The following OTUD6B variants were observed in gnomAD, a reference collection of about 807,000 sequenced individuals.
The protein encoded by OTUD6B is deubiquitinase OTUD6B.
In OTUD6B, 41 loss-of-function variants were observed where a neutral mutation model predicts 36.9. That is an observed-to-expected ratio of 1.11 (90% CI 0.87 to 1.44). The LOEUF is 1.44. OTUD6B is among the 40% of genes most tolerant of loss of function. OTUD6B has a pLI of 0.00. For synonymous variants in OTUD6B, 114 were observed against 114.2 expected (o/e 1.00, Z 0.01); for missense variants, 356 against 344.8 (o/e 1.03, Z -0.26).
At chr8:91,070,544 C>G in intron 1 of OTUD6B, 78 bp downstream of exon 1, 1 of 1,377,204 alleles carries the variant, frequency 7.3e-7, no homozygotes, top group South Asian at 1.3e-5. Flanking sequence ...TCTGGGGAAT[C>G]TCAAGGCGTG....
intron 5 of OTUD6B, 36 bp from the exon 6 acceptor site, chr8:91,083,972 T>G (rs1369225351): frequency 6.5e-7 from 1 of 1,541,918 alleles, no homozygotes; most frequent in African/African-American, 1.4e-5. Flanking sequence ...ATTTACATTT[T>G]TATTTTCCTT....
intron 5 of OTUD6B, among the ~76,000 whole-genome samples, chr8:91,082,154 C>T (rs1459160315): frequency 6.6e-6 from 1 of 152,060 alleles, no homozygotes; most frequent in African/African-American, 2.4e-5. Context: ...TTCGCATCCT[C>T]TATTCTATGC....
At position 91,071,777 on chromosome 8, in the gene OTUD6B, A is replaced by G. The variant is rs749424871; in HGVS notation, c.234+488A>G. On this transcript the variant is annotated intron_variant, in intron 2 of 6. Coordinates refer to ENST00000404789, the MANE Select transcript of OTUD6B (RefSeq NM_016023.5). The stretch of plus-strand genomic sequence containing the variant: ...ACAGGGCAGTGTGTTTCTATAAGGG[A>G]GATCGGCAAAGAAAGTGCTATACTT... 1.8e-4 allele frequency among the ~76,000 whole-genome samples: 28 copies of G among 152,198 alleles called. 1 individual carries two copies. The highest frequency in any genetic ancestry group is 4.1e-4 in the Non-Finnish European group (28 of 68,024).
chr8:91,073,966 C>T (rs1812754452), intron 3 of OTUD6B, 55 bp downstream of exon 3: 1 of 1,159,110 alleles, frequency 8.6e-7, no homozygotes, highest in Non-Finnish European at 1.2e-6. Flanking sequence ...TCAATACTAT[C>T]TTAGGTACTA....
intron 6 of OTUD6B, chr8:91,084,567 C>G (rs982803215): frequency 5.6e-6 from 1 of 180,128 alleles, no homozygotes; most frequent in East Asian, 1.9e-4. Context: ...TCAGCCTTTT[C>G]GTTTTACCCC....
At chr8:91,078,296 A>C in intron 3 of OTUD6B, 60 bp from the exon 4 acceptor site, 1 of 1,471,482 alleles carries the variant, frequency 6.8e-7, no homozygotes, top group Admixed American at 2.7e-5. Context: ...CCTTCCCTTA[A>C]TAAATGAGAA....
At chr8:91,071,857 A>G (rs1812706666) in intron 2 of OTUD6B, among the ~76,000 whole-genome samples, 1 of 152,210 alleles carries the variant, frequency 6.6e-6, no homozygotes, top group Admixed American at 6.5e-5. Flanking sequence ...AAGTTGGAAG[A>G]CCAGGCATCT....
At chr8:91,082,943 A>G (rs997752771) in intron 5 of OTUD6B, among the ~76,000 whole-genome samples, 3 of 151,774 alleles carry the variant, frequency 2.0e-5, no homozygotes, top group Non-Finnish European at 2.9e-5. Flanking sequence ...GCCTGGACTC[A>G]AGGTATCTGC....
chr8:91,084,678 C>A, intron 6 of OTUD6B, 106 bp from the exon 7 acceptor site: 1 of 1,157,984 alleles, frequency 8.6e-7, no homozygotes, highest in Non-Finnish European at 1.1e-6. Context: ...CCCATGTGGA[C>A]TGAGTCATTC....
At chr8:91,081,379 C>CAAAG (rs1812904199) in intron 5 of OTUD6B, among the ~76,000 whole-genome samples, 1 of 151,090 alleles carries the variant, frequency 6.6e-6, no homozygotes, top group South Asian at 2.1e-4. Flanking sequence ...TAAAAACAAA[C>CAAAG]AAACAAACAA....
Position 91,087,055 on chromosome 8 carries a change from T to C in OTUD6B, c.*2187T>C, listed in dbSNP as rs930002121. On this transcript the variant is annotated 3_prime_UTR_variant, in exon 7 of 7. Coordinates refer to ENST00000404789, the MANE Select transcript of OTUD6B (RefSeq NM_016023.5). ...TAGTTTTGCTTATATTATGTGATGTTTGCCAAAAAAAGAATAAAAAATGAA... is the reference window on the plus strand; with the variant it reads ...TAGTTTTGCTTATATTATGTGATGTCTGCCAAAAAAAGAATAAAAAATGAA... 6.6e-6 allele frequency: 1 copy of C among 152,056 alleles called. No homozygotes were observed. Among genetic ancestry groups the C allele is most frequent in the African/African-American group, 2.4e-5 (1 of 41,434 alleles). The allele number at this position is 152,056 out of a possible 1,614,324, so 9.4% of individuals were successfully genotyped here.
chr8:91,071,973 C>G (rs1162495792), intron 2 of OTUD6B, among the ~76,000 whole-genome samples: 1 of 152,206 alleles, frequency 6.6e-6, no homozygotes, highest in Non-Finnish European at 1.5e-5. Flanking sequence ...TATTTCTACA[C>G]TCTAAGCACA....
Position 91,078,683 on chromosome 8 carries a change from T to C in OTUD6B, c.628+15T>C. The C allele has an allele frequency of 6.7e-7, 1 of 1,488,212 alleles. No individual in the cohort carries two copies. The highest frequency in any genetic ancestry group is 9.1e-7 in the Non-Finnish European group (1 of 1,101,016). The allele number at this position is 1,488,212 out of a possible 1,614,324, so 92.2% of individuals were successfully genotyped here. ...GTATACTCCAGGTAATTTATTTTTC[T>C]TTACTATGTTTTATTGTTGCTTTGT... On this transcript the variant is annotated intron_variant, in intron 4 of 6. Transcript: ENST00000404789.
intron 3 of OTUD6B, 96 bp from the exon 4 acceptor site, chr8:91,078,260 G>C: frequency 6.9e-7 from 1 of 1,449,462 alleles, no homozygotes; most frequent in Non-Finnish European, 9.0e-7. Context: ...AATAAACACC[G>C]GAAAGTTTTG....
chr8:91,081,306 A>G (rs939066237), intron 5 of OTUD6B, among the ~76,000 whole-genome samples: 9 of 151,752 alleles, frequency 5.9e-5, no homozygotes, highest in Non-Finnish European at 1.3e-4. Context: ...CACTTACAGG[A>G]AGTTATCAAG....
rs1329927946 is a variant in OTUD6B, at chr8:91,084,013, A to G, written c.696A>G (p.Arg232=). The stretch of plus-strand genomic sequence containing the variant: ...TACTTTTTTTCTTCCTATAGCTAAG[A>G]GCTCTGTCTCACATTTTACAAACAC... The part of the protein sequence containing the change: ...TAAWGGQLEL[R]ALSHILQTPI... The change falls in exon 6 of 7, where the codon AGA becomes AGG. Residue 232 remains arginine (R), a synonymous_variant. Transcript: ENST00000404789. 2 of 1,565,162 alleles carry G rather than the reference A, an allele frequency of 1.3e-6. No individual in the cohort carries two copies. The highest frequency in any genetic ancestry group is 1.7e-6 in the Non-Finnish European group (2 of 1,155,260).
In OTUD6B at chr8:91,086,462, A is replaced by G. The variant is rs1437244661; in HGVS notation, c.*1594A>G. ...GAATTTTTTGGTGTCTGAAATTTAC[A>G]AAAGAATGAAATTGAAATTGTAAAA... On this transcript the variant is annotated 3_prime_UTR_variant, in exon 7 of 7. Transcript: ENST00000404789. The G allele has an allele frequency of 6.6e-6, 1 of 152,134 alleles. No homozygotes were observed. Among genetic ancestry groups the G allele is most frequent in the Non-Finnish European group, 1.5e-5 (1 of 67,990 alleles). 9.4% of individuals were successfully genotyped at this position (152,134 alleles called of 1,614,324 possible). A position where few individuals can be genotyped will look rare whatever the true frequency, so the allele number is the denominator to read the frequency against.
chr8:91,070,888 T>G (rs1586201441), intron 1 of OTUD6B: 1 of 258,746 alleles, frequency 3.9e-6, no homozygotes, highest in Non-Finnish European at 6.0e-6. Flanking sequence ...TACAGTCAGG[T>G]TTTTTTCCTT....
chr8:91,080,658 A>C lies in OTUD6B; in HGVS notation c.629-11A>C. 6.3e-7 allele frequency: 1 copy of C among 1,593,780 alleles called. No homozygotes were observed. The highest frequency in any genetic ancestry group is 8.6e-7 in the Non-Finnish European group (1 of 1,168,756). On this transcript the variant is annotated splice_polypyrimidine_tract_variant and intron_variant, in intron 4 of 6. Coordinates refer to ENST00000404789, the MANE Select transcript of OTUD6B (RefSeq NM_016023.5). ...ATTATTAAGTGCTGTATTCTGACCT[A>C]ATCTCTACAGAAGAATTTCAGAAGT...
Sources: allele counts gnomAD v4.1 joint callset (sites outside exome capture counted in the v4.1 genomes callset), GRCh38; gene constraint gnomAD v4.1.1; transcripts MANE v1.5; gene names NCBI Gene and HGNC (gene_info 2026-07-23, HGNC 2026-07-21).